Variants in PEX5L observed in about 807,000 individuals in gnomAD.
PEX5L encodes peroxisomal biogenesis factor 5 like.
PEX5L carries 30 observed loss-of-function variants against 84.0 expected under a neutral mutation model. That is an observed-to-expected ratio of 0.36 (90% confidence interval 0.27 to 0.48). The LOEUF (loss-of-function observed/expected upper bound fraction) is 0.48, where lower values mean the gene tolerates loss of function less well. Ranked by LOEUF, PEX5L falls within the 20% of genes least tolerant of loss-of-function variation. PEX5L has a pLI of 0.99. For missense variants in PEX5L, 533 were observed against 754.6 expected (o/e 0.71, Z 3.44); for synonymous variants, 270 against 283.1 (o/e 0.95, Z 0.46).
At chr3:179,981,172 C>G (rs1419571957) in intron 1 of PEX5L, among the ~76,000 whole-genome samples, 1 of 152,098 alleles carries the variant, frequency 6.6e-6, no homozygotes, top group South Asian at 2.1e-4. Flanking sequence ...GTGGCTGGAA[C>G]AGAGTTGCCC....
chr3:179,899,511 C>T (rs1760564579), intron 2 of PEX5L, among the ~76,000 whole-genome samples: 1 of 151,984 alleles, frequency 6.6e-6, no homozygotes, highest in Non-Finnish European at 1.5e-5. Flanking sequence ...TGATCGTTTC[C>T]ATGCAACAAA....
intron 2 of PEX5L, among the ~76,000 whole-genome samples, chr3:179,939,578 G>C (rs1775500819): frequency 6.6e-6 from 1 of 152,186 alleles, no homozygotes; most frequent in Non-Finnish European, 1.5e-5. Context: ...CAGATACATA[G>C]ACTTCTGGGC....
intron 1 of PEX5L, among the ~76,000 whole-genome samples, chr3:180,005,973 A>T (rs1004446663): frequency 6.6e-6 from 1 of 152,224 alleles, no homozygotes; most frequent in African/African-American, 2.4e-5. Flanking sequence ...ATATCTAGGC[A>T]TTAGAACATC....
At chr3:179,870,062 CACAGGGTTG>C (rs1430123848) in intron 7 of PEX5L, among the ~76,000 whole-genome samples, 1 of 152,176 alleles carries the variant, frequency 6.6e-6, no homozygotes, top group East Asian at 1.9e-4. Flanking sequence ...AAACTGCCCC[CACAGGGTTG>C]ACAAGAATTG....
At chr3:179,926,820 C>A (rs879472478) in intron 2 of PEX5L, among the ~76,000 whole-genome samples, 1 of 152,008 alleles carries the variant, frequency 6.6e-6, no homozygotes, top group Non-Finnish European at 1.5e-5. Context: ...ATTGTTTAAC[C>A]GTGTAAACTT....
At chr3:179,995,168 T>C (rs767670549) in intron 1 of PEX5L, among the ~76,000 whole-genome samples, 37 of 147,912 alleles carry the variant, frequency 2.5e-4, no homozygotes, top group Non-Finnish European at 3.1e-4. Flanking sequence ...ATATATACTA[T>C]ATATGTATAT....
chr3:179,973,328 G>T, intron 1 of PEX5L: 1 of 1,254,086 alleles, frequency 8.0e-7, no homozygotes, highest in Non-Finnish European at 1.0e-6. Context: ...TCTTGCCCAG[G>T]AACAGCATTA....
rs1751656706 is a variant in PEX5L, at chr3:179,874,730, T to TTTTTTTTTTTTTC, written c.630-308_630-307insGAAAAAAAAAAAA. 3.3e-5 allele frequency among the ~76,000 whole-genome samples: 2 copies of TTTTTTTTTTTTTC among 60,148 alleles called. 1 individual carries two copies. Among genetic ancestry groups the TTTTTTTTTTTTTC allele is most frequent in the Admixed American group, 4.3e-4 (2 of 4,624 alleles). 39.5% of individuals were successfully genotyped at this position (60,148 alleles called of 152,430 possible). On this transcript the variant is annotated intron_variant, in intron 6 of 14. Coordinates refer to ENST00000467460, the MANE Select transcript of PEX5L (RefSeq NM_016559.3). ...CTGTTTCATAAAAAAATTATGGTTTTTTTTTTTGTTTTTTTTTTTTTTTTT... is the reference window on the plus strand; with the variant it reads ...CTGTTTCATAAAAAAATTATGGTTTTTTTTTTTTTTTTCTTTTTTTGTTTTTTTTTTTTTTTTT...
chr3:179,927,892 T>G (rs1771905008), intron 2 of PEX5L, among the ~76,000 whole-genome samples: 1 of 152,236 alleles, frequency 6.6e-6, no homozygotes, highest in Non-Finnish European at 1.5e-5. Context: ...TTTTCTATTG[T>G]AATTATTTAA....
At chr3:179,923,442 C>A (rs1414706780) in intron 2 of PEX5L, among the ~76,000 whole-genome samples, 6 of 152,140 alleles carry the variant, frequency 3.9e-5, no homozygotes, top group African/African-American at 7.2e-5. Flanking sequence ...TCTCAAAATG[C>A]AGCACCTGCA....
At chr3:179,949,951 G>A (rs1404499077) in intron 2 of PEX5L, among the ~76,000 whole-genome samples, 5 of 152,166 alleles carry the variant, frequency 3.3e-5, no homozygotes, top group Non-Finnish European at 7.4e-5. Flanking sequence ...TCCTCATCTT[G>A]GCTGGACCCT....
At chr3:179,862,698 T>C (rs1746633671) in intron 7 of PEX5L, among the ~76,000 whole-genome samples, 1 of 151,952 alleles carries the variant, frequency 6.6e-6, no homozygotes, top group Non-Finnish European at 1.5e-5. Context: ...AAAATGCAAA[T>C]AAATGAAAAA....
At chr3:179,923,436 A>T (rs1400770464) in intron 2 of PEX5L, among the ~76,000 whole-genome samples, 4 of 152,184 alleles carry the variant, frequency 2.6e-5, no homozygotes, top group Non-Finnish European at 5.9e-5. Context: ...GAAGTTTCTC[A>T]AAATGCAGCA....
chr3:179,870,350 C>G (rs1749850764), intron 7 of PEX5L, among the ~76,000 whole-genome samples: 1 of 152,192 alleles, frequency 6.6e-6, no homozygotes, highest in African/African-American at 2.4e-5. Context: ...TTCTTCATCT[C>G]TCTGTCCTAT....
chr3:179,857,421 G>C (rs982403395), intron 8 of PEX5L, among the ~76,000 whole-genome samples: 8 of 152,214 alleles, frequency 5.3e-5, no homozygotes, highest in East Asian at 1.9e-4. Flanking sequence ...GAAAAGAAGT[G>C]AGTAGCCCCT....
intron 1 of PEX5L, among the ~76,000 whole-genome samples, chr3:179,978,333 T>C (rs1283842742): frequency 6.6e-6 from 1 of 152,220 alleles, no homozygotes; most frequent in Non-Finnish European, 1.5e-5. Flanking sequence ...TAAGTATCCA[T>C]TAAGATTACA....
chr3:180,025,625 C>T (rs1364281382), intron 1 of PEX5L, among the ~76,000 whole-genome samples: 1 of 151,718 alleles, frequency 6.6e-6, no homozygotes, highest in African/African-American at 2.4e-5. Flanking sequence ...GGAATAGTGA[C>T]GGATGAGTAA....
chr3:179,945,977 T>C (rs1268683576), intron 2 of PEX5L, among the ~76,000 whole-genome samples: 3 of 152,082 alleles, frequency 2.0e-5, no homozygotes, highest in Non-Finnish European at 2.9e-5. Flanking sequence ...GCAAGCCAAA[T>C]TGAGTGTACA....
chr3:179,867,173 G>T (rs1748631567), intron 7 of PEX5L, among the ~76,000 whole-genome samples: 1 of 152,018 alleles, frequency 6.6e-6, no homozygotes, highest in Admixed American at 6.6e-5. Context: ...ATTCTATGTT[G>T]AAGAATATTG....
Sources: gnomAD v4.1 joint callset for allele counts (sites outside exome capture counted in the v4.1 genomes callset) on GRCh38, gnomAD v4.1.1 for gene constraint, MANE v1.5 for transcripts, NCBI Gene and HGNC (gene_info 2026-07-23, HGNC 2026-07-21) for gene names.